Variants in KTN1 observed in about 807,000 individuals in gnomAD.
The protein encoded by KTN1 is kinectin 1.
KTN1 carries 130 observed loss-of-function variants against 222.5 expected under a neutral mutation model. The observed-to-expected ratio is 0.58, with a 90% CI of 0.51 to 0.68. The LOEUF is 0.68. Ranked by LOEUF, KTN1 falls within the 30% of genes least tolerant of loss-of-function variation. KTN1 has a pLI of 0.00. For missense variants in KTN1, 1,508 were observed against 1,500.4 expected, an observed-to-expected ratio of 1.01 and a Z score of -0.08; for synonymous variants, 512 against 496.3, an observed-to-expected ratio of 1.03 and a Z score of -0.42.
intron 32 of KTN1, among the ~76,000 whole-genome samples, chr14:55,662,068 CCT>C (rs2044206735): frequency 7.3e-6 from 1 of 136,864 alleles, no homozygotes; most frequent in South Asian, 2.5e-4. Flanking sequence ...CTCCTCCTGC[CCT>C]TTTTTTTTTT....
chr14:55,626,224 A>G (rs1157516036), intron 5 of KTN1, among the ~76,000 whole-genome samples: 1 of 151,580 alleles, frequency 6.6e-6, no homozygotes, highest in Non-Finnish European at 1.5e-5. Context: ...AAAAAACCCT[A>G]ACACATAACC....
At chr14:55,658,826 C>G (rs912198486) in intron 30 of KTN1, among the ~76,000 whole-genome samples, 3 of 152,072 alleles carry the variant, frequency 2.0e-5, no homozygotes, top group Non-Finnish European at 2.9e-5. Flanking sequence ...ATATTATTGC[C>G]GGTATTCCAG....
In KTN1 at chr14:55,675,885, T is replaced by C; in HGVS notation, c.3822T>C (p.Asn1274=). The part of the protein sequence containing the change: ...ETLTKLRTEQ[N]ERQKVAGDLH... ...TCACAAAACTTAGAACTGAACAAAATGAAAGACAGAAGGTAGCTGGTGATT... is the reference window on the plus strand; with the variant it reads ...TCACAAAACTTAGAACTGAACAAAACGAAAGACAGAAGGTAGCTGGTGATT... The change falls in exon 41 of 44, where the codon AAT becomes AAC. Residue 1274 remains asparagine, a synonymous_variant. Transcript: ENST00000395314. 6.2e-7 allele frequency: 1 copy of C among 1,613,474 alleles called. No individual in the cohort carries two copies. The highest frequency in any genetic ancestry group is 1.1e-5 in the South Asian group (1 of 91,052).
intron 6 of KTN1, among the ~76,000 whole-genome samples, chr14:55,629,005 G>T (rs1386828909): frequency 6.6e-6 from 1 of 152,152 alleles, no homozygotes; most frequent in African/African-American, 2.4e-5. Flanking sequence ...AACATGATTA[G>T]TCCTAATGAT....
intron 1 of KTN1, among the ~76,000 whole-genome samples, chr14:55,596,651 T>C (rs940732363): frequency 2.6e-5 from 4 of 152,244 alleles, no homozygotes; most frequent in African/African-American, 2.4e-5. Flanking sequence ...ATTACATAAT[T>C]GACATACTTA....
At chr14:55,582,140 C>T (rs531636475) in intron 1 of KTN1, among the ~76,000 whole-genome samples, 144 of 152,238 alleles carry the variant, frequency 9.5e-4, no homozygotes, top group Non-Finnish European at 1.7e-3. Context: ...TTTCTTAATA[C>T]TTGAAAATTA....
At chr14:55,671,523 T>G in intron 35 of KTN1, 43 bp from the exon 36 acceptor site, 1 of 1,450,338 alleles carries the variant, frequency 6.9e-7, no homozygotes, top group African/African-American at 1.4e-5. Flanking sequence ...CATAAAACTT[T>G]CTGGTAGAAT....
chr14:55,632,874 A>C (rs2040692668), intron 7 of KTN1, among the ~76,000 whole-genome samples: 1 of 152,196 alleles, frequency 6.6e-6, no homozygotes, highest in African/African-American at 2.4e-5. Context: ...AATATTGCTA[A>C]TGTATAATTG....
In KTN1 at chr14:55,584,405, T is replaced by C. The variant is rs534769118; in HGVS notation, c.-31+4051T>C. ...GTTTGAGGGCAAGGGGAAGAGATAA[T>C]AAACACAATCAATGAGGAAATTATA... On this transcript the variant is annotated intron_variant, in intron 1 of 43. Coordinates refer to ENST00000395314, the MANE Select transcript of KTN1 (RefSeq NM_001079521.2). Among the ~76,000 whole-genome samples, 9 of 152,298 alleles carry C rather than the reference T, an allele frequency of 5.9e-5. 1 individual carries two copies. The South Asian group carries it at 6.2e-4, about 11-fold the overall frequency.
At chr14:55,664,694 C>G (rs1408314266) in intron 33 of KTN1, among the ~76,000 whole-genome samples, 1 of 152,112 alleles carries the variant, frequency 6.6e-6, no homozygotes, top group Non-Finnish European at 1.5e-5. Context: ...GGAGGACATT[C>G]TCCTTGAGCT....
chr14:55,667,252 A>AC lies in KTN1; in HGVS notation c.3190dup (p.Gln1064ProfsTer6). 1 of 1,599,118 alleles carries AC rather than the reference A, an allele frequency of 6.3e-7. No individual in the cohort carries two copies. The highest frequency in any genetic ancestry group is 8.5e-7 in the Non-Finnish European group (1 of 1,172,520). ...ATCTTCTGCTTTAGGAAAGGCAGCA[A>AC]CAGGTGGAAGCTGTTGAGTTGGAGG... On this transcript the variant is annotated frameshift_variant, in exon 34 of 44. Transcript: ENST00000395314. LOFTEE classifies it high-confidence loss of function.
Position 55,678,409 on chromosome 14 carries a change from A to G in KTN1, c.3913A>G (p.Thr1305Ala). 1 of 1,611,560 alleles carries G rather than the reference A, an allele frequency of 6.2e-7. No homozygotes were observed. The highest frequency in any genetic ancestry group is 8.5e-7 in the Non-Finnish European group (1 of 1,177,706). ...SKIVKAAGDTTVIENSDVSPE... is the reference protein window; with the variant it reads ...SKIVKAAGDTAVIENSDVSPE... ...AATAGTAAAAGCTGCTGGAGACACT[A>G]CTGTTATTGAAAATAGTGATGTTTC... Residue 1305 changes from threonine to alanine, a missense_variant, in exon 42 of 44, where the codon ACT becomes GCT. Transcript: ENST00000395314.
intron 40 of KTN1, chr14:55,674,754 G>C (rs1460603552): frequency 6.6e-6 from 1 of 152,124 alleles, no homozygotes; most frequent in Non-Finnish European, 1.5e-5. Context: ...TCTGTCAGGA[G>C]ATCATTTTTA....
intron 43 of KTN1, chr14:55,680,777 GC>G: frequency 1.8e-6 from 2 of 1,140,342 alleles, no homozygotes; most frequent in Non-Finnish European, 2.5e-6. Context: ...CATATAATAA[GC>G]CCAGCTCATT....
chr14:55,590,735 G>C (rs916545334), intron 1 of KTN1, among the ~76,000 whole-genome samples: 2 of 151,674 alleles, frequency 1.3e-5, no homozygotes, highest in Non-Finnish European at 2.9e-5. Context: ...GAGTGCAGTG[G>C]CGCGATCTTG....
chr14:55,629,922 T>G (rs1566748874), intron 6 of KTN1, 35 bp from the exon 7 acceptor site: 1 of 1,375,662 alleles, frequency 7.3e-7, no homozygotes, highest in Non-Finnish European at 1.0e-6. Flanking sequence ...ACTTATTAAA[T>G]AACAAGTTTT....
intron 1 of KTN1, among the ~76,000 whole-genome samples, chr14:55,597,424 T>C (rs1380340781): frequency 6.6e-6 from 1 of 152,222 alleles, no homozygotes; most frequent in Non-Finnish European, 1.5e-5. Context: ...GATTCTTCAT[T>C]TGTACTTGTT....
At chr14:55,664,426 C>G (rs6573052) in intron 33 of KTN1, among the ~76,000 whole-genome samples, 151,926 of 152,278 alleles carry the variant, frequency 1, 75,790 homozygotes, top group Middle Eastern at 1. Flanking sequence ...CCATAAACTA[C>G]GTGTTTTGGA....
intron 21 of KTN1, among the ~76,000 whole-genome samples, 177 bp from the exon 22 acceptor site, chr14:55,649,599 G>A (rs1217050382): frequency 6.6e-6 from 1 of 152,056 alleles, no homozygotes; most frequent in Admixed American, 6.6e-5. Flanking sequence ...AGCTACCTAT[G>A]TTCAAAATGC....
Sources: gnomAD v4.1 joint callset for allele counts (sites outside exome capture counted in the v4.1 genomes callset) on GRCh38, gnomAD v4.1.1 for gene constraint, MANE v1.5 for transcripts, NCBI Gene and HGNC (gene_info 2026-07-23, HGNC 2026-07-21) for gene names.